Variants in SHISA6 observed in about 807,000 individuals in gnomAD.
The protein encoded by SHISA6 is protein shisa-6.
Under a neutral mutation model 47.9 loss-of-function variants are expected in SHISA6, and 22 were observed. That is an observed-to-expected ratio of 0.46 (90% confidence interval 0.33 to 0.66). The LOEUF is 0.66. Ranked by LOEUF, SHISA6 falls within the 30% of genes least tolerant of loss-of-function variation. SHISA6 has a pLI of 0.02. For synonymous variants in SHISA6, 388 were observed against 337.8 expected (o/e 1.15, Z -1.63); for missense variants, 680 against 764.6 (o/e 0.89, Z 1.30).
intron 2 of SHISA6, among the ~76,000 whole-genome samples, chr17:11,311,036 G>A (rs574332388): frequency 1.7e-4 from 26 of 149,798 alleles, no homozygotes; most frequent in Admixed American, 1.7e-3. Flanking sequence ...GAACCCAGGA[G>A]GCGGAGCTTG....
rs117189244 is a variant in SHISA6, at chr17:11,521,343, C to A, written c.896-30553C>A. On this transcript the variant is annotated intron_variant, in intron 3 of 5. Transcript: ENST00000441885. ...CATAAATTCCCAATATCAATTCATC[C>A]TTATTCTAAGTTTGGTCAAAATCCT... Among the ~76,000 whole-genome samples, 451 of 152,182 alleles carry A rather than the reference C, an allele frequency of 3.0e-3. 1 individual carries two copies. The highest frequency in any genetic ancestry group is 6.8e-3 in the Middle Eastern group (2 of 294).
At chr17:11,539,879 G>C (rs182712666) in intron 3 of SHISA6, among the ~76,000 whole-genome samples, 19 of 152,300 alleles carry the variant, frequency 1.2e-4, no homozygotes, top group African/African-American at 4.3e-4. Context: ...GAAGGAGGAG[G>C]GACTGGTAAT....
chr17:11,403,025 G>A (rs1442543290), intron 3 of SHISA6, among the ~76,000 whole-genome samples: 1 of 152,218 alleles, frequency 6.6e-6, no homozygotes, highest in Non-Finnish European at 1.5e-5. Flanking sequence ...CTTTGTCATG[G>A]AGGAGGGTTG....
intron 3 of SHISA6, chr17:11,379,798 G>T: frequency 3.1e-6 from 1 of 317,792 alleles, no homozygotes. Context: ...GGAGTGTGGT[G>T]GAAAACTGCC....
intron 3 of SHISA6, among the ~76,000 whole-genome samples, chr17:11,475,493 G>A (rs1916029473): frequency 6.6e-6 from 1 of 152,042 alleles, no homozygotes; most frequent in Non-Finnish European, 1.5e-5. Flanking sequence ...TCATGAATGT[G>A]TTTTTGATTT....
intron 3 of SHISA6, among the ~76,000 whole-genome samples, chr17:11,515,362 A>AAGGAAGGAAGGG (rs1555541500): frequency 2.8e-5 from 4 of 144,302 alleles, no homozygotes; most frequent in African/African-American, 5.1e-5. Flanking sequence ...GGAAGGAAGG[A>AAGGAAGGAAGGG]AGGGAGAGAA....
At chr17:11,308,219 G>T (rs1010428938) in intron 2 of SHISA6, among the ~76,000 whole-genome samples, 2 of 152,138 alleles carry the variant, frequency 1.3e-5, no homozygotes, top group Admixed American at 1.3e-4. Flanking sequence ...TTAGTGTTTT[G>T]GCTTTTTCAC....
intron 3 of SHISA6, among the ~76,000 whole-genome samples, chr17:11,514,022 T>A (rs1035827224): frequency 1.3e-4 from 20 of 152,188 alleles, no homozygotes; most frequent in African/African-American, 3.9e-4. Context: ...TTTGAAACTT[T>A]GCTAGCAGCA....
At chr17:11,526,056 C>T (rs897204075) in intron 3 of SHISA6, among the ~76,000 whole-genome samples, 7 of 151,308 alleles carry the variant, frequency 4.6e-5, no homozygotes, top group Non-Finnish European at 8.8e-5. Context: ...GGTATCACTC[C>T]GAAGTGAAGG....
At chr17:11,286,582 G>A (rs553767443) in intron 2 of SHISA6, among the ~76,000 whole-genome samples, 7 of 152,272 alleles carry the variant, frequency 4.6e-5, no homozygotes, top group East Asian at 3.9e-4. Context: ...AAGGAAAATC[G>A]TAGCTGTTAC....
intron 3 of SHISA6, among the ~76,000 whole-genome samples, chr17:11,473,676 GA>G (rs1207593353): frequency 2.6e-5 from 4 of 152,044 alleles, no homozygotes; most frequent in African/African-American, 9.6e-5. Context: ...TGGTGTTATG[GA>G]AAAAACAGAT....
intron 2 of SHISA6, among the ~76,000 whole-genome samples, chr17:11,265,763 T>C (rs1444018967): frequency 6.6e-6 from 1 of 152,146 alleles, no homozygotes; most frequent in African/African-American, 2.4e-5. Context: ...GCGAGCTGGT[T>C]CCCCACTGCT....
intron 3 of SHISA6, among the ~76,000 whole-genome samples, chr17:11,384,652 A>G (rs1913134342): frequency 6.6e-6 from 1 of 152,170 alleles, no homozygotes; most frequent in African/African-American, 2.4e-5. Flanking sequence ...GGGTCCTTAC[A>G]GTGGTGGCAG....
intron 3 of SHISA6, among the ~76,000 whole-genome samples, chr17:11,398,824 C>T: frequency 6.6e-6 from 1 of 152,150 alleles, no homozygotes; most frequent in East Asian, 1.9e-4. Context: ...ATCTCTTGAC[C>T]TTGTGGTCTA....
intron 3 of SHISA6, among the ~76,000 whole-genome samples, chr17:11,387,181 A>G (rs937095190): frequency 6.6e-6 from 1 of 152,182 alleles, no homozygotes; most frequent in Non-Finnish European, 1.5e-5. Context: ...CAGACCCCAC[A>G]GAACAACCCT....
At chr17:11,347,132 G>A (rs1285077924) in intron 2 of SHISA6, among the ~76,000 whole-genome samples, 2 of 152,008 alleles carry the variant, frequency 1.3e-5, no homozygotes, top group East Asian at 1.9e-4. Flanking sequence ...TAGGAAGATG[G>A]AAACTTAACT....
chr17:11,450,955 A>G (rs1915379527), intron 3 of SHISA6, among the ~76,000 whole-genome samples: 4 of 151,514 alleles, frequency 2.6e-5, no homozygotes, highest in Admixed American at 2.6e-4. Flanking sequence ...TTCTCTGATA[A>G]GGAGCAAGGT....
chr17:11,332,834 C>T (rs139832277), intron 2 of SHISA6, among the ~76,000 whole-genome samples: 8 of 152,170 alleles, frequency 5.3e-5, no homozygotes, highest in East Asian at 1.9e-4. Context: ...CAGAGCAACC[C>T]GTCATGTGAT....
chr17:11,449,531 T>C (rs2142304141), intron 3 of SHISA6, among the ~76,000 whole-genome samples: 1 of 152,074 alleles, frequency 6.6e-6, no homozygotes, highest in East Asian at 1.9e-4. Context: ...GAATGAATGA[T>C]GCGTCTCTTG....
Sources: allele counts gnomAD v4.1 joint callset (sites outside exome capture counted in the v4.1 genomes callset), GRCh38; gene constraint gnomAD v4.1.1; transcripts MANE v1.5; gene names NCBI Gene and HGNC (gene_info 2026-07-23, HGNC 2026-07-21).